PDZRN4: variants seen among roughly 807,000 people sequenced by gnomAD.
PDZRN4 encodes PDZ domain-containing RING finger protein 4.
In PDZRN4, 70 loss-of-function variants were observed where a neutral mutation model predicts 99.0. The observed-to-expected ratio is 0.71, with a 90% CI of 0.58 to 0.86. The LOEUF is 0.86. PDZRN4 is among the 40% of genes least tolerant of loss of function. PDZRN4 has a pLI of 0.00. For synonymous variants in PDZRN4, 551 were observed against 501.6 expected (o/e 1.10, Z -1.32); for missense variants, 1,474 against 1,331.2 (o/e 1.11, Z -1.67).
chr12:41,286,543 G>A (rs892050939), intron 3 of PDZRN4, among the ~76,000 whole-genome samples: 1 of 151,980 alleles, frequency 6.6e-6, no homozygotes, highest in Non-Finnish European at 1.5e-5. Flanking sequence ...GTGTACAATG[G>A]CTGTTTCACA....
chr12:41,300,633 G>A (rs1467251860), intron 3 of PDZRN4, among the ~76,000 whole-genome samples: 2 of 151,818 alleles, frequency 1.3e-5, no homozygotes. Flanking sequence ...CTCAGGATAT[G>A]TGTACATTAA....
chr12:41,286,071 T>C (rs1291017421), intron 3 of PDZRN4, among the ~76,000 whole-genome samples: 1 of 152,088 alleles, frequency 6.6e-6, no homozygotes, highest in Non-Finnish European at 1.5e-5. Context: ...AACTCCTGAT[T>C]GCTTGATGAA....
rs143248437 is a variant in PDZRN4 at position 41,302,578 on chromosome 12, G to C, written c.843+108390G>C. 2.6e-4 allele frequency among the ~76,000 whole-genome samples: 40 copies of C among 152,216 alleles called. No homozygotes were observed. In the East Asian group the frequency reaches 7.1e-3, roughly 27 times the overall value. On this transcript the variant is annotated intron_variant, in intron 3 of 9. Coordinates refer to ENST00000402685, the MANE Select transcript of PDZRN4 (RefSeq NM_001164595.2). The stretch of plus-strand genomic sequence containing the variant: ...ATAGACACTTAAATTGTTCTCTAGG[G>C]AGTGGGTAATAGAATCAGATTCATA...
intron 3 of PDZRN4, among the ~76,000 whole-genome samples, chr12:41,360,033 T>C (rs960255953): frequency 6.6e-6 from 1 of 152,068 alleles, no homozygotes; most frequent in Non-Finnish European, 1.5e-5. Context: ...TTGACAACTA[T>C]TGTAAGCATC....
At chr12:41,376,677 GT>G (rs1471853001) in intron 3 of PDZRN4, among the ~76,000 whole-genome samples, 1 of 151,888 alleles carries the variant, frequency 6.6e-6, no homozygotes, top group African/African-American at 2.4e-5. Flanking sequence ...CATTCCATTG[GT>G]TGCTTTTTTA....
At chr12:41,352,359 T>A (rs1951896628) in intron 3 of PDZRN4, among the ~76,000 whole-genome samples, 1 of 152,160 alleles carries the variant, frequency 6.6e-6, no homozygotes, top group Admixed American at 6.6e-5. Flanking sequence ...GCATGTCAGA[T>A]GCTAATAGTA....
At chr12:41,191,330 C>T in intron 1 of PDZRN4, 128 bp from the exon 2 acceptor site, 2 of 605,246 alleles carry the variant, frequency 3.3e-6, no homozygotes, top group Non-Finnish European at 5.7e-6. Context: ...CACATTCAAC[C>T]ATCCTTAATT....
chr12:41,244,473 G>T (rs1304507005), intron 3 of PDZRN4, among the ~76,000 whole-genome samples: 1 of 151,896 alleles, frequency 6.6e-6, no homozygotes, highest in African/African-American at 2.4e-5. Flanking sequence ...TTCTTTCCTT[G>T]GCCATTGTTC....
At chr12:41,249,423 G>A (rs1951154038) in intron 3 of PDZRN4, among the ~76,000 whole-genome samples, 1 of 152,108 alleles carries the variant, frequency 6.6e-6, no homozygotes, top group Admixed American at 6.6e-5. Flanking sequence ...ATTAGTATAT[G>A]GGAACTTGCA....
At chr12:41,475,083 CT>C (rs933112618) in intron 3 of PDZRN4, among the ~76,000 whole-genome samples, 1 of 152,082 alleles carries the variant, frequency 6.6e-6, no homozygotes, top group African/African-American at 2.4e-5. Flanking sequence ...AATAATGTGT[CT>C]GTGTTTCTGT....
intron 3 of PDZRN4, chr12:41,437,719 G>A: frequency 1.4e-6 from 2 of 1,433,858 alleles, no homozygotes; most frequent in Non-Finnish European, 1.8e-6. Context: ...TGGAAACTCT[G>A]TGTGTGTATC....
At chr12:41,514,412 G>T (rs1195101165) in intron 5 of PDZRN4, among the ~76,000 whole-genome samples, 1 of 151,798 alleles carries the variant, frequency 6.6e-6, no homozygotes, top group Non-Finnish European at 1.5e-5. Flanking sequence ...ATGAATCAGG[G>T]AAATTTTCAT....
At chr12:41,471,438 A>G (rs1011630501) in intron 3 of PDZRN4, among the ~76,000 whole-genome samples, 2 of 151,916 alleles carry the variant, frequency 1.3e-5, no homozygotes, top group African/African-American at 2.4e-5. Flanking sequence ...AAAAGGATTT[A>G]TTCTTTACTT....
intron 3 of PDZRN4, among the ~76,000 whole-genome samples, chr12:41,497,539 A>G (rs1938031161): frequency 6.6e-6 from 1 of 152,148 alleles, no homozygotes; most frequent in Admixed American, 6.6e-5. Context: ...CAACCATTTC[A>G]TCAGTGGGAT....
intron 3 of PDZRN4, among the ~76,000 whole-genome samples, chr12:41,226,022 TC>T (rs971953567): frequency 1.3e-5 from 2 of 152,114 alleles, no homozygotes; most frequent in Admixed American, 1.3e-4. Context: ...ATTCTGAGTC[TC>T]TTTATTCCAC....
chr12:41,561,609 CTATATATA>C (rs3075048), intron 7 of PDZRN4, among the ~76,000 whole-genome samples: 1 of 145,190 alleles, frequency 6.9e-6, no homozygotes, highest in African/African-American at 2.5e-5. Context: ...TATATAAAGA[CTATATATA>C]TATATATATG....
chr12:41,389,370 C>T (rs1366763346), intron 3 of PDZRN4, among the ~76,000 whole-genome samples: 1 of 152,018 alleles, frequency 6.6e-6, no homozygotes, highest in Admixed American at 6.6e-5. Flanking sequence ...AAATGAAGCC[C>T]AAATTTGTAA....
At chr12:41,298,757 A>G (rs1323333463) in intron 3 of PDZRN4, among the ~76,000 whole-genome samples, 1 of 152,206 alleles carries the variant, frequency 6.6e-6, no homozygotes, top group African/African-American at 2.4e-5. Context: ...TATCTCCTAG[A>G]AAGAAATATA....
chr12:41,346,186 G>C (rs1018995703), intron 3 of PDZRN4, among the ~76,000 whole-genome samples: 2 of 152,180 alleles, frequency 1.3e-5, no homozygotes, highest in Non-Finnish European at 2.9e-5. Flanking sequence ...AATTGGGCCG[G>C]GCACGGTGGC....
Sources: allele counts gnomAD v4.1 joint callset (sites outside exome capture counted in the v4.1 genomes callset), GRCh38; gene constraint gnomAD v4.1.1; transcripts MANE v1.5; gene names NCBI Gene and HGNC (gene_info 2026-07-23, HGNC 2026-07-21).